PRELID2: variants seen among roughly 807,000 people sequenced by gnomAD.
PRELID2 encodes PRELI domain containing 2.
PRELID2 carries 25 observed loss-of-function variants against 28.4 expected under a neutral mutation model. That is an observed-to-expected ratio of 0.88 (90% CI 0.64 to 1.23). PRELID2 has a LOEUF of 1.23. Among genes scored for constraint, PRELID2 ranks in the 50% most tolerant of loss-of-function variants. PRELID2 has a pLI of 0.00. For missense variants in PRELID2, 201 were observed against 214.4 expected, an observed-to-expected ratio of 0.94 and a Z score of 0.39; for synonymous variants, 76 against 71.6, an observed-to-expected ratio of 1.06 and a Z score of -0.31.
At chr5:145,290,942 G>A in the PRELID2 span, among the ~76,000 whole-genome samples, 1 of 151,608 alleles carries the variant, frequency 6.6e-6, no homozygotes, top group Non-Finnish European at 1.5e-5. Flanking sequence ...GTATCTATGA[G>A]TGTGAACTTG....
chr5:145,382,548 CAAG>C, the PRELID2 span, among the ~76,000 whole-genome samples: 2 of 151,822 alleles, frequency 1.3e-5, no homozygotes, highest in South Asian at 2.1e-4. Flanking sequence ...ACAATAGAGT[CAAG>C]AAGGCAATAA....
the PRELID2 span, among the ~76,000 whole-genome samples, chr5:145,455,980 A>G: frequency 3.3e-5 from 5 of 152,048 alleles, no homozygotes; most frequent in South Asian, 2.1e-4. Context: ...AGCCGCTCCT[A>G]TTTGGCCATC....
intron 1 of PRELID2, among the ~76,000 whole-genome samples, chr5:145,668,571 A>G (rs879659043): frequency 4.6e-5 from 7 of 152,058 alleles, no homozygotes; most frequent in Non-Finnish European, 8.8e-5. Context: ...AAGAATTATT[A>G]TTCATCTCCA....
At chr5:145,784,948 T>C (rs752532589) in intron 5 of PRELID2, among the ~76,000 whole-genome samples, 23 of 152,084 alleles carry the variant, frequency 1.5e-4, no homozygotes, top group Non-Finnish European at 2.5e-4. Context: ...AAAATGAATA[T>C]TTAGTAATTT....
chr5:145,556,327 C>T (rs1752879933), intron 1 of PRELID2, among the ~76,000 whole-genome samples: 3 of 152,060 alleles, frequency 2.0e-5, no homozygotes, highest in Non-Finnish European at 4.4e-5. Context: ...ATTCTTCTTC[C>T]CTATCGCAGT....
chr5:145,296,948 G>T, the PRELID2 span, among the ~76,000 whole-genome samples: 1 of 152,104 alleles, frequency 6.6e-6, no homozygotes, highest in African/African-American at 2.4e-5. Flanking sequence ...GCCAGTGATG[G>T]TGAGCATTTT....
At chr5:145,380,076 C>T in the PRELID2 span, among the ~76,000 whole-genome samples, 1 of 152,214 alleles carries the variant, frequency 6.6e-6, no homozygotes, top group Non-Finnish European at 1.5e-5. Context: ...ACCAAACCCT[C>T]TGGGCTCTAC....
At chr5:145,463,239 C>G in the PRELID2 span, among the ~76,000 whole-genome samples, 1 of 151,694 alleles carries the variant, frequency 6.6e-6, no homozygotes, top group Non-Finnish European at 1.5e-5. Flanking sequence ...TTTGGTCTAA[C>G]CTTTCTTCAC....
At chr5:145,541,807 T>C (rs774185870) in intron 1 of PRELID2, among the ~76,000 whole-genome samples, 1 of 152,046 alleles carries the variant, frequency 6.6e-6, no homozygotes, top group African/African-American at 2.4e-5. Flanking sequence ...GGTTTTGAGA[T>C]AATGGGCCAT....
chr5:145,426,654 A>T, the PRELID2 span, among the ~76,000 whole-genome samples: 1 of 152,138 alleles, frequency 6.6e-6, no homozygotes, highest in African/African-American at 2.4e-5. Flanking sequence ...ATCTTGTGTG[A>T]CTTTTCCTAT....
the PRELID2 span, among the ~76,000 whole-genome samples, chr5:145,237,276 C>A: frequency 2.6e-4 from 40 of 152,140 alleles, no homozygotes; most frequent in Admixed American, 2.6e-3. Flanking sequence ...TTTGTTACTG[C>A]AGCAAATCTG....
chr5:145,373,400 TTA>T, the PRELID2 span, among the ~76,000 whole-genome samples: 1 of 76,470 alleles, frequency 1.3e-5, no homozygotes, highest in Non-Finnish European at 2.3e-5. Context: ...ATATATGATA[TTA>T]TATATTACAA....
At chr5:145,321,482 TG>T in the PRELID2 span, among the ~76,000 whole-genome samples, 1 of 152,210 alleles carries the variant, frequency 6.6e-6, no homozygotes, top group Non-Finnish European at 1.5e-5. Flanking sequence ...GTGTAAATAC[TG>T]GGCCCAGATT....
At chr5:145,672,298 T>C (rs1581044237) in intron 1 of PRELID2, among the ~76,000 whole-genome samples, 1 of 152,132 alleles carries the variant, frequency 6.6e-6, no homozygotes, top group Non-Finnish European at 1.5e-5. Context: ...TTCAGAATTC[T>C]CACACATTAG....
At chr5:145,353,728 C>T in the PRELID2 span, among the ~76,000 whole-genome samples, 1 of 152,012 alleles carries the variant, frequency 6.6e-6, no homozygotes. Context: ...TAACTGCCTC[C>T]ATGATTCAAT....
At chr5:145,751,350 C>G (rs1757118255), downstream of PRELID2, among the ~76,000 whole-genome samples, 1 of 152,182 alleles carries the variant, frequency 6.6e-6, no homozygotes. Context: ...GGGGTGGCCT[C>G]AATCACGGCT....
intron 1 of PRELID2, among the ~76,000 whole-genome samples, chr5:145,557,985 T>C (rs1752895008): frequency 6.6e-6 from 1 of 152,212 alleles, no homozygotes; most frequent in Non-Finnish European, 1.5e-5. Flanking sequence ...AAGCTTCTTA[T>C]AAAATAGAAT....
At chr5:145,521,337 T>C (rs948477259) in intron 1 of PRELID2, among the ~76,000 whole-genome samples, 18 of 152,118 alleles carry the variant, frequency 1.2e-4, no homozygotes, top group Admixed American at 1.3e-4. Flanking sequence ...TGTCACATGG[T>C]TACTCTACAT....
At chr5:145,619,778 C>T (rs755507211) in intron 1 of PRELID2, among the ~76,000 whole-genome samples, 17 of 152,102 alleles carry the variant, frequency 1.1e-4, no homozygotes, top group Non-Finnish European at 2.2e-4. Context: ...AGGTAAAATA[C>T]CTGTACAGGC....
Sources: gnomAD v4.1 joint callset for allele counts (sites outside exome capture counted in the v4.1 genomes callset) on GRCh38, gnomAD v4.1.1 for gene constraint, MANE v1.5 for transcripts, NCBI Gene and HGNC (gene_info 2026-07-23, HGNC 2026-07-21) for gene names.